Variants in STXBP5L observed in about 807,000 individuals in gnomAD.
STXBP5L encodes syntaxin-binding protein 5-like.
In STXBP5L, 65 loss-of-function variants were observed where a neutral mutation model predicts 144.5. The observed-to-expected ratio is 0.45, with a 90% CI of 0.37 to 0.55. The LOEUF is 0.55. Ranked by LOEUF, STXBP5L falls within the 20% of genes least tolerant of loss-of-function variation. STXBP5L has a pLI of 0.00. For missense variants in STXBP5L, 1,298 were observed against 1,405.5 expected (o/e 0.92, Z 1.22); for synonymous variants, 505 against 469.6 (o/e 1.08, Z -0.97).
chr3:121,072,942 CT>C (rs2041868133), intron 5 of STXBP5L, among the ~76,000 whole-genome samples: 1 of 152,188 alleles, frequency 6.6e-6, no homozygotes, highest in African/African-American at 2.4e-5. Context: ...TGTTTACTGA[CT>C]TTCCTTTGGC....
intron 7 of STXBP5L, among the ~76,000 whole-genome samples, chr3:121,138,120 A>G (rs753073322): frequency 9.2e-5 from 14 of 152,270 alleles, no homozygotes; most frequent in South Asian, 2.1e-4. Flanking sequence ...TAGTATATGT[A>G]TATGCTAATA....
chr3:121,193,960 T>A (rs976887232), intron 9 of STXBP5L, among the ~76,000 whole-genome samples: 2 of 96,702 alleles, frequency 2.1e-5, no homozygotes, highest in Non-Finnish European at 4.0e-5. Context: ...ACACTAGAAG[T>A]TAACATATAA....
chr3:121,374,020 C>T lies in STXBP5L; in HGVS notation c.2177-4696C>T, dbSNP rs72969920. On this transcript the variant is annotated intron_variant, in intron 20 of 26. Coordinates refer to ENST00000471454, the MANE Select transcript of STXBP5L (RefSeq NM_001308330.2). Reference sequence around the variant, plus strand: ...CCCATACTACCACCACTGACACCTGCATGTGCCCCCCAGGGAACCAAGAAC... The same window carrying T: ...CCCATACTACCACCACTGACACCTGTATGTGCCCCCCAGGGAACCAAGAAC... Among the ~76,000 whole-genome samples the T allele has an allele frequency of 2.5e-3, 386 of 152,300 alleles. 2 individuals are homozygous for T. Among genetic ancestry groups the T allele is most frequent in the African/African-American group, 8.7e-3 (363 of 41,558 alleles).
intron 2 of STXBP5L, among the ~76,000 whole-genome samples, chr3:120,944,489 T>C (rs1323874365): frequency 6.6e-6 from 1 of 151,756 alleles, no homozygotes; most frequent in East Asian, 1.9e-4. Context: ...ATTTCTATTA[T>C]ATATATTTCC....
intron 6 of STXBP5L, among the ~76,000 whole-genome samples, chr3:121,120,483 A>G (rs1462028737): frequency 6.6e-6 from 1 of 151,274 alleles, no homozygotes; most frequent in Non-Finnish European, 1.5e-5. Flanking sequence ...TATTTATTGA[A>G]TGCACACTAT....
intron 5 of STXBP5L, among the ~76,000 whole-genome samples, chr3:121,066,884 C>T (rs2041574962): frequency 6.6e-6 from 1 of 151,930 alleles, no homozygotes. Context: ...TATTATATTT[C>T]CTTAATAGGT....
At chr3:120,921,867 G>A (rs956870509) in intron 2 of STXBP5L, among the ~76,000 whole-genome samples, 3 of 151,882 alleles carry the variant, frequency 2.0e-5, no homozygotes, top group African/African-American at 7.2e-5. Context: ...GGTTACTTTA[G>A]GTCTGTAGTA....
intron 5 of STXBP5L, among the ~76,000 whole-genome samples, chr3:121,063,260 C>A (rs917844696): frequency 6.6e-6 from 1 of 152,192 alleles, no homozygotes; most frequent in African/African-American, 2.4e-5. Flanking sequence ...TTCTAACAGT[C>A]AGGCCATCTG....
intron 19 of STXBP5L, among the ~76,000 whole-genome samples, chr3:121,304,855 C>A (rs947194531): frequency 3.3e-5 from 5 of 151,490 alleles, no homozygotes; most frequent in Non-Finnish European, 5.9e-5. Flanking sequence ...TAATAATCAT[C>A]AAAAATGAAC....
At chr3:121,151,511 C>T (rs191047480) in intron 7 of STXBP5L, among the ~76,000 whole-genome samples, 1 of 152,232 alleles carries the variant, frequency 6.6e-6, no homozygotes, top group East Asian at 1.9e-4. Context: ...GATAAGGTCT[C>T]AGGATGCTCT....
chr3:121,346,391 G>A (rs1195382563), intron 20 of STXBP5L, among the ~76,000 whole-genome samples: 1 of 151,508 alleles, frequency 6.6e-6, no homozygotes, highest in Non-Finnish European at 1.5e-5. Flanking sequence ...TTGCTATTAT[G>A]AATAGTGCCG....
intron 3 of STXBP5L, among the ~76,000 whole-genome samples, chr3:120,990,744 T>G (rs1942766239): frequency 6.6e-6 from 1 of 152,200 alleles, no homozygotes; most frequent in Non-Finnish European, 1.5e-5. Context: ...ATTCCTTATT[T>G]AATAGATGAT....
chr3:121,413,019 C>T lies in STXBP5L; in HGVS notation c.2949-139C>T, dbSNP rs192025348. 4.5e-4 allele frequency: 318 copies of T among 705,648 alleles called. 2 individuals are homozygous for T. The highest frequency in any genetic ancestry group is 3.2e-3 in the Middle Eastern group (7 of 2,164). The allele number at this position is 705,648 out of a possible 1,614,324, so 43.7% of individuals were successfully genotyped here. A position where few individuals can be genotyped will look rare whatever the true frequency, so the allele number is the denominator to read the frequency against. On this transcript the variant is annotated intron_variant, in intron 23 of 26. Coordinates refer to ENST00000471454, the MANE Select transcript of STXBP5L (RefSeq NM_001308330.2). ...CTCCAGCTTGGGTGACAGAGCAAGA[C>T]TCTGTCTCAAAAAAATATAAAAATA...
At chr3:121,122,637 G>T (rs994116338) in intron 7 of STXBP5L, among the ~76,000 whole-genome samples, 3 of 151,396 alleles carry the variant, frequency 2.0e-5, no homozygotes, top group Admixed American at 2.0e-4. Context: ...TTGAATAAAT[G>T]GTACTGGATA....
intron 5 of STXBP5L, among the ~76,000 whole-genome samples, chr3:121,062,265 G>A (rs1372542358): frequency 1.3e-5 from 2 of 152,166 alleles, no homozygotes; most frequent in East Asian, 3.9e-4. Context: ...AGTTTGGCTG[G>A]ATATGAAATT....
At chr3:121,380,580 C>G (rs534786552) in intron 21 of STXBP5L, among the ~76,000 whole-genome samples, 7 of 151,860 alleles carry the variant, frequency 4.6e-5, no homozygotes, top group Non-Finnish European at 1.0e-4. Flanking sequence ...AGAGGAGAAC[C>G]TGAAACCATC....
At position 120,972,022 on chromosome 3, in the gene STXBP5L, A is replaced by G. The variant is rs191892621; in HGVS notation, c.287+16985A>G. On this transcript the variant is annotated intron_variant, in intron 3 of 26. Transcript: ENST00000471454. The stretch of plus-strand genomic sequence containing the variant: ...CGGGGAATGTGATGTCTCTAGCTTT[A>G]TTCTTTTTGCTTAGAATTTCTTTGG... Among the ~76,000 whole-genome samples, 390 of 151,956 alleles carry G rather than the reference A, an allele frequency of 2.6e-3. 1 individual carries two copies. The highest frequency in any genetic ancestry group is 9.1e-3 in the African/African-American group (376 of 41,476).
intron 5 of STXBP5L, among the ~76,000 whole-genome samples, chr3:121,111,672 C>A (rs570154569): frequency 6.6e-6 from 1 of 152,238 alleles, no homozygotes; most frequent in Admixed American, 6.5e-5. Context: ...TGTCTGGTGA[C>A]CCTTGTTGGG....
chr3:121,242,348 G>A (rs1387622873), intron 14 of STXBP5L, among the ~76,000 whole-genome samples: 1 of 152,100 alleles, frequency 6.6e-6, no homozygotes, highest in African/African-American at 2.4e-5. Flanking sequence ...GGTTCTAAAT[G>A]TGTATAGAGG....
Sources: allele counts gnomAD v4.1 joint callset (sites outside exome capture counted in the v4.1 genomes callset), GRCh38; gene constraint gnomAD v4.1.1; transcripts MANE v1.5; gene names NCBI Gene and HGNC (gene_info 2026-07-23, HGNC 2026-07-21).